Variants in CARS2 observed in about 807,000 individuals in gnomAD.
The protein encoded by CARS2 is cysteinyl-tRNA synthetase 2, mitochondrial, also known as probable cysteine--tRNA ligase, mitochondrial.
In CARS2, 52 loss-of-function variants were observed where a neutral mutation model predicts 68.8. The ratio of observed to expected loss-of-function variants is 0.76; its 90% CI spans 0.61 to 0.95. CARS2 has a LOEUF of 0.95. Among genes scored for constraint, CARS2 ranks in the 40% least tolerant of loss-of-function variants. CARS2 has a pLI of 0.00. For missense variants in CARS2, 780 were observed against 754.2 expected, an observed-to-expected ratio of 1.03 and a Z score of -0.40; for synonymous variants, 314 against 303.6, an observed-to-expected ratio of 1.03 and a Z score of -0.36.
chr13:110,680,660 TAC>T (rs2063133035), intron 6 of CARS2, among the ~76,000 whole-genome samples: 1 of 152,132 alleles, frequency 6.6e-6, no homozygotes, highest in African/African-American at 2.4e-5. Flanking sequence ...AGGGAAATGT[TAC>T]AGACACTCCA....
intron 7 of CARS2, among the ~76,000 whole-genome samples, chr13:110,674,557 TCAA>T (rs2062891760): frequency 2.0e-5 from 3 of 152,010 alleles, no homozygotes; most frequent in Admixed American, 2.0e-4. Context: ...CAAAATTAAT[TCAA>T]GATGGATTAA....
rs563812156 is a variant in CARS2 at position 110,665,361 on chromosome 13, G to A, written c.920-1843C>T. On this transcript the variant is annotated intron_variant, in intron 8 of 14. Coordinates refer to ENST00000257347, the MANE Select transcript of CARS2 (RefSeq NM_024537.4). The surrounding 1 kb of genome is among the most constrained non-coding windows in gnomAD (Gnocchi z 4.3). Reference sequence around the variant, plus strand: ...CTAGAACAGCTGAGGCAGGAGAATTGCTTGAACCCAGGAGGCAGAGGTTGC... The same window carrying A: ...CTAGAACAGCTGAGGCAGGAGAATTACTTGAACCCAGGAGGCAGAGGTTGC... 6.4e-4 allele frequency: 506 copies of A among 793,708 alleles called. No individual in the cohort carries two copies. Among genetic ancestry groups the A allele is most frequent in the Non-Finnish European group, 7.3e-4 (478 of 655,074 alleles). The allele number at this position is 793,708 out of a possible 1,614,324, so 49.2% of individuals were successfully genotyped here. A position where few individuals can be genotyped will look rare whatever the true frequency, so the allele number is the denominator to read the frequency against.
In CARS2 at chr13:110,686,219, C is replaced by T. The variant is rs920965656; in HGVS notation, c.571+1502G>A. Among the ~76,000 whole-genome samples, 39 of 149,412 alleles carry T rather than the reference C, an allele frequency of 2.6e-4. 1 individual carries two copies. Among genetic ancestry groups the T allele is most frequent in the South Asian group, 4.2e-4 (2 of 4,742 alleles). ...GCATGTTGAAGTGTCATGGCTGATG[C>T]GACAGAACATCTGCAACTCACGCTT... On this transcript the variant is annotated intron_variant, in intron 5 of 14. Transcript: ENST00000257347.
chr13:110,699,378 C>T (rs1408434456), intron 3 of CARS2, among the ~76,000 whole-genome samples: 2 of 152,278 alleles, frequency 1.3e-5, no homozygotes, highest in South Asian at 2.1e-4. Context: ...CCATGGACGC[C>T]GGTGACAGGT....
rs572961415 is a variant in CARS2 at position 110,656,689 on chromosome 13, C to G, written c.988-5589G>C. Among the ~76,000 whole-genome samples, 6 of 152,230 alleles carry G rather than the reference C, an allele frequency of 3.9e-5. No individual in the cohort carries two copies. The South Asian group carries it at 1.0e-3, about 26-fold the overall frequency. Reference sequence around the variant, plus strand: ...CACAAGGTCAGGAGATCAAGACCATCCTGGCTAACATGGTGAAACCCCGTC... The same window carrying G: ...CACAAGGTCAGGAGATCAAGACCATGCTGGCTAACATGGTGAAACCCCGTC... On this transcript the variant is annotated intron_variant, in intron 9 of 14. Coordinates refer to ENST00000257347, the MANE Select transcript of CARS2 (RefSeq NM_024537.4).
At chr13:110,682,096 G>A (rs1340135286) in intron 6 of CARS2, among the ~76,000 whole-genome samples, 1 of 152,150 alleles carries the variant, frequency 6.6e-6, no homozygotes, top group African/African-American at 2.4e-5. Context: ...CGTCAATGGT[G>A]GGGGATGCTG....
chr13:110,667,945 AT>A (rs1280057620), intron 7 of CARS2, among the ~76,000 whole-genome samples: 1 of 152,244 alleles, frequency 6.6e-6, no homozygotes, highest in African/African-American at 2.4e-5. Flanking sequence ...CCATGCCTCC[AT>A]AAAAACCGCG....
intron 3 of CARS2, among the ~76,000 whole-genome samples, chr13:110,694,932 G>A (rs1441280391): frequency 6.6e-6 from 1 of 152,156 alleles, no homozygotes; most frequent in Non-Finnish European, 1.5e-5. Context: ...AGCACAGTCG[G>A]CTCTCTGTAT....
intron 10 of CARS2, chr13:110,650,727 A>C: frequency 3.1e-6 from 1 of 325,544 alleles, no homozygotes; most frequent in Non-Finnish European, 5.6e-6. Context: ...GGCCCCTTCC[A>C]ATCTCCCAGT....
In CARS2 at chr13:110,679,589, AAGAAAGAAAGAG is replaced by A. The variant is rs1294690867; in HGVS notation, c.656-2498_656-2487del. Among the ~76,000 whole-genome samples, 645 of 83,802 alleles carry A rather than the reference AAGAAAGAAAGAG, an allele frequency of 7.7e-3. 3 individuals carry two copies. Among genetic ancestry groups the A allele is most frequent in the Non-Finnish European group, 0.01 (463 of 44,170 alleles). 55.0% of individuals were successfully genotyped at this position (83,802 alleles called of 152,430 possible). A position where few individuals can be genotyped will look rare whatever the true frequency, so the allele number is the denominator to read the frequency against. ...AGAAAGAGAGAGAAAGAAAGAAAGA[AAGAAAGAAAGAG>A]AGAGAGAGAGAGAGAGAGAGAGAGG... On this transcript the variant is annotated intron_variant, in intron 6 of 14. Transcript: ENST00000257347.
intron 8 of CARS2, chr13:110,664,310 C>A: frequency 3.7e-6 from 2 of 546,502 alleles, no homozygotes; most frequent in Non-Finnish European, 4.7e-6. Flanking sequence ...AGTTTGGAGA[C>A]CAGTCTGGGC....
At chr13:110,679,550 A>C (rs2063076080) in intron 6 of CARS2, among the ~76,000 whole-genome samples, 1 of 54,140 alleles carries the variant, frequency 1.8e-5, no homozygotes, top group African/African-American at 5.5e-5. Context: ...AAAGAAAAGA[A>C]AAGAAAGAAA....
rs777142413 is a variant in CARS2, at chr13:110,663,444, A to G, written c.987+7T>C. 6 of 1,611,970 alleles carry G rather than the reference A, an allele frequency of 3.7e-6. No homozygotes were observed. The South Asian group carries it at 6.6e-5, about 18-fold the overall frequency. ...ACCTCAGAGATACAATACAAAAAGC[A>G]CGTTACCTTAATAGTAATGTAGTTC... On this transcript the variant is annotated splice_region_variant and intron_variant, in intron 9 of 14. Transcript: ENST00000257347.
At chr13:110,706,443 T>A (rs1390011640), upstream of CARS2, 2 of 172,494 alleles carry the variant, frequency 1.2e-5, no homozygotes, top group Admixed American at 6.3e-5. Context: ...AGCCTGGAGC[T>A]GTGTCCGCCG....
rs1175280493 is a variant in CARS2 at position 110,679,573 on chromosome 13, G to GAGAA, written c.656-2474_656-2471dup. ...GAAAAGAAAGAAAGAAAGAAAGAGAGAGAAAGAAAGAAAGAAAGAAAGAAA... is the reference window on the plus strand; with the variant it reads ...GAAAAGAAAGAAAGAAAGAAAGAGAGAGAAAGAAAGAAAGAAAGAAAGAAAGAAA... On this transcript the variant is annotated intron_variant, in intron 6 of 14. Transcript: ENST00000257347. Among the ~76,000 whole-genome samples the GAGAA allele has an allele frequency of 5.0e-4, 47 of 94,246 alleles. 1 individual carries two copies. Among genetic ancestry groups the GAGAA allele is most frequent in the African/African-American group, 1.7e-3 (43 of 25,088 alleles). The allele number at this position is 94,246 out of a possible 152,430, so 61.8% of individuals were successfully genotyped here.
At chr13:110,693,578 C>G (rs538621281) in intron 3 of CARS2, among the ~76,000 whole-genome samples, 1 of 152,254 alleles carries the variant, frequency 6.6e-6, no homozygotes, top group African/African-American at 2.4e-5. Flanking sequence ...CCAGAATGGT[C>G]TCGATCTCCT....
chr13:110,684,147 G>C (rs887735188), intron 5 of CARS2, among the ~76,000 whole-genome samples: 2 of 152,202 alleles, frequency 1.3e-5, no homozygotes, highest in African/African-American at 2.4e-5. Flanking sequence ...GCTCATCCGG[G>C]CTGTGACCAT....
chr13:110,658,222 G>A (rs1477585621), intron 9 of CARS2, among the ~76,000 whole-genome samples: 1 of 152,214 alleles, frequency 6.6e-6, no homozygotes, highest in Admixed American at 6.5e-5. Context: ...ATGGAATAAA[G>A]GAGCACAGGT....
intron 10 of CARS2, among the ~76,000 whole-genome samples, chr13:110,647,555 A>G (rs563933877): frequency 2.0e-5 from 3 of 151,936 alleles, no homozygotes; most frequent in South Asian, 2.1e-4. Context: ...TCTGGAAAGA[A>G]GGAGCCCCGC....
Sources: allele counts gnomAD v4.1 joint callset (sites outside exome capture counted in the v4.1 genomes callset), GRCh38; gene constraint gnomAD v4.1.1; non-coding constraint Gnocchi (gnomAD v3.1); transcripts MANE v1.5; gene names NCBI Gene and HGNC (gene_info 2026-07-23, HGNC 2026-07-21).